The following CSMD1 variants were observed in gnomAD, a reference collection of about 807,000 sequenced individuals.
CSMD1 encodes the protein CUB and sushi domain-containing protein 1.
In CSMD1, 213 loss-of-function variants were observed where a neutral mutation model predicts 417.5. The observed-to-expected ratio is 0.51, with a 90% CI of 0.46 to 0.57. The LOEUF (loss-of-function observed/expected upper bound fraction) is 0.57. CSMD1 is among the 20% of genes least tolerant of loss of function. CSMD1 has a pLI of 0.00. For synonymous variants in CSMD1, 2,862 were observed against 1,736.8 expected (o/e 1.65, Z -16.11); for missense variants, 6,923 against 4,529.7 (o/e 1.53, Z -15.17).
intron 10 of CSMD1, among the ~76,000 whole-genome samples, chr8:3,508,264 G>A (rs1436354942): frequency 6.6e-6 from 1 of 151,228 alleles, no homozygotes; most frequent in African/African-American, 2.4e-5. Context: ...GATGATGCAA[G>A]ACATAGATCC....
chr8:4,399,660 G>A (rs944699369), intron 3 of CSMD1, among the ~76,000 whole-genome samples: 4 of 151,874 alleles, frequency 2.6e-5, no homozygotes, highest in Non-Finnish European at 5.9e-5. Context: ...AGCACATATT[G>A]TAGTCTGCAG....
At chr8:3,982,666 G>C (rs948050745) in intron 5 of CSMD1, among the ~76,000 whole-genome samples, 1 of 151,948 alleles carries the variant, frequency 6.6e-6, no homozygotes, top group Non-Finnish European at 1.5e-5. Flanking sequence ...GGGCAGATCT[G>C]AGACCAGGGT....
At chr8:3,246,861 G>A (rs763827258) in intron 26 of CSMD1, among the ~76,000 whole-genome samples, 19 of 152,010 alleles carry the variant, frequency 1.2e-4, no homozygotes, top group African/African-American at 3.1e-4. Context: ...CCATTTTAGC[G>A]GTTGATTAAA....
At chr8:3,704,933 T>C (rs1463304056) in intron 7 of CSMD1, 3 of 152,266 alleles carry the variant, frequency 2.0e-5, no homozygotes, top group Admixed American at 6.5e-5. Flanking sequence ...GGCATGGATT[T>C]CTTGCTTTGC....
intron 1 of CSMD1, among the ~76,000 whole-genome samples, chr8:4,683,947 C>G (rs907020206): frequency 1.3e-5 from 2 of 152,150 alleles, no homozygotes; most frequent in African/African-American, 4.8e-5. Context: ...AGTTTTTAAT[C>G]AAAAGATATT....
intron 5 of CSMD1, among the ~76,000 whole-genome samples, chr8:3,916,170 A>T (rs966553702): frequency 6.6e-6 from 1 of 152,150 alleles, no homozygotes; most frequent in Admixed American, 6.6e-5. Context: ...TACTTCAAGA[A>T]ATTGAAGACA....
At chr8:3,593,389 C>T (rs1800947573) in intron 8 of CSMD1, among the ~76,000 whole-genome samples, 1 of 152,188 alleles carries the variant, frequency 6.6e-6, no homozygotes, top group Admixed American at 6.5e-5. Context: ...AAGGTCAAGC[C>T]CATGAGCCTC....
At chr8:4,726,697 T>G (rs1809480504) in intron 1 of CSMD1, among the ~76,000 whole-genome samples, 1 of 152,232 alleles carries the variant, frequency 6.6e-6, no homozygotes, top group Admixed American at 6.5e-5. Flanking sequence ...TCATCAGTTC[T>G]AATTTTATTC....
In CSMD1 at chr8:3,889,559, CTG is replaced by C. The variant is rs1180378665; in HGVS notation, c.818+108342_818+108343del. 2.7e-4 allele frequency among the ~76,000 whole-genome samples: 9 copies of C among 33,156 alleles called. No individual in the cohort carries two copies. In the South Asian group the frequency reaches 6.6e-3, roughly 24 times the overall value. 21.8% of individuals were successfully genotyped at this position (33,156 alleles called of 152,430 possible). On this transcript the variant is annotated intron_variant, in intron 5 of 69. Coordinates refer to ENST00000635120, the MANE Select transcript of CSMD1 (RefSeq NM_033225.6). ...TACACACATATGTGTATATGTGTGT[CTG>C]TGTGTGTGTATGTGTATGTATACAT... is the stretch of plus-strand genomic sequence containing the variant.
chr8:3,825,254 G>C (rs1177087813), intron 5 of CSMD1, among the ~76,000 whole-genome samples: 1 of 152,188 alleles, frequency 6.6e-6, no homozygotes, highest in Non-Finnish European at 1.5e-5. Context: ...GAGAGGCCGG[G>C]TGTGGTGGCT....
chr8:4,782,730 T>G (rs1797214985), intron 1 of CSMD1, among the ~76,000 whole-genome samples: 1 of 152,050 alleles, frequency 6.6e-6, no homozygotes, highest in South Asian at 2.1e-4. Context: ...TCCAAAAAAA[T>G]GAAAATACAT....
In CSMD1 at chr8:4,689,302, T is replaced by C. The variant is rs146438688; in HGVS notation, c.86-51744A>G. ...CTAATTTTGGATATGTAGGAAGGTA[T>C]ATTTGGGTTTTGCTAGTCAAATACT... On this transcript the variant is annotated intron_variant, in intron 1 of 69. Coordinates refer to ENST00000635120, the MANE Select transcript of CSMD1 (RefSeq NM_033225.6). 4.3e-3 allele frequency among the ~76,000 whole-genome samples: 659 copies of C among 152,346 alleles called. 5 individuals are homozygous for C. The highest frequency in any genetic ancestry group is 6.8e-3 in the Non-Finnish European group (463 of 68,038).
intron 11 of CSMD1, among the ~76,000 whole-genome samples, chr8:3,482,549 T>A (rs545100539): frequency 6.6e-5 from 10 of 151,928 alleles, no homozygotes; most frequent in African/African-American, 2.2e-4. Flanking sequence ...AAGAGAAAAA[T>A]AGCAACCTCC....
At chr8:3,478,803 G>A (rs73174875) in intron 11 of CSMD1, among the ~76,000 whole-genome samples, 3,643 of 152,178 alleles carry the variant, frequency 0.024, 152 homozygotes, top group African/African-American at 0.08. Flanking sequence ...CTGCCTTGTC[G>A]AAGAAAAAAT....
chr8:4,829,205 C>T (rs9314545), intron 1 of CSMD1, among the ~76,000 whole-genome samples: 145,613 of 152,242 alleles, frequency 0.96, 70,005 homozygotes, highest in East Asian at 1. Context: ...CTAATAAAGA[C>T]TGCTCAAGTT....
At chr8:3,296,436 G>T (rs552152383) in intron 25 of CSMD1, among the ~76,000 whole-genome samples, 28 of 152,100 alleles carry the variant, frequency 1.8e-4, no homozygotes, top group Non-Finnish European at 2.6e-4. Context: ...AGGTGCCTAC[G>T]CACAGAGGGC....
intron 3 of CSMD1, among the ~76,000 whole-genome samples, chr8:4,121,784 G>A (rs1300887151): frequency 6.6e-6 from 1 of 151,948 alleles, no homozygotes; most frequent in Admixed American, 6.6e-5. Context: ...TAATATTACA[G>A]TACATCACTT....
At chr8:3,131,736 T>C (rs1010569849) in intron 41 of CSMD1, among the ~76,000 whole-genome samples, 2 of 152,134 alleles carry the variant, frequency 1.3e-5, no homozygotes, top group Non-Finnish European at 2.9e-5. Flanking sequence ...CCTCCCAAAA[T>C]GTTGGGATTA....
chr8:4,268,706 T>C (rs918294061), intron 3 of CSMD1, among the ~76,000 whole-genome samples: 1 of 152,062 alleles, frequency 6.6e-6, no homozygotes, highest in African/African-American at 2.4e-5. Flanking sequence ...CAATTTTTTT[T>C]GAAGTAACAT....
Sources: allele counts gnomAD v4.1 joint callset (sites outside exome capture counted in the v4.1 genomes callset), GRCh38; gene constraint gnomAD v4.1.1; transcripts MANE v1.5; gene names NCBI Gene and HGNC (gene_info 2026-07-23, HGNC 2026-07-21).